Variants in TTC27 observed in about 807,000 individuals in gnomAD.
TTC27 encodes the protein tetratricopeptide repeat domain 27.
A neutral mutation model predicts 115.9 loss-of-function variants in TTC27; 79 were observed. The observed-to-expected ratio is 0.68, with a 90% CI of 0.57 to 0.82. TTC27 has a LOEUF of 0.82. Among genes scored for constraint, TTC27 ranks in the 40% least tolerant of loss-of-function variants. The probability of loss-of-function intolerance (pLI) is 0.00; values close to 1 mark genes in which losing one functional copy is unlikely to be tolerated. For synonymous variants in TTC27, 401 were observed against 356.0 expected (o/e 1.13, Z -1.42); for missense variants, 1,054 against 993.1 (o/e 1.06, Z -0.82).
At chr2:32,663,579 G>A (rs757232030) in intron 5 of TTC27, among the ~76,000 whole-genome samples, 2 of 152,116 alleles carry the variant, frequency 1.3e-5, no homozygotes, top group African/African-American at 2.4e-5. Context: ...CCTTGATTTC[G>A]CTGGGAGCTG....
chr2:32,675,801 G>C (rs1467998932), intron 8 of TTC27, among the ~76,000 whole-genome samples: 2 of 150,428 alleles, frequency 1.3e-5, no homozygotes, highest in Non-Finnish European at 1.5e-5. Flanking sequence ...TTTTTGTTTT[G>C]TTTTTTTGAG....
At chr2:32,643,234 T>C (rs2151865085) in intron 4 of TTC27, among the ~76,000 whole-genome samples, 1 of 152,306 alleles carries the variant, frequency 6.6e-6, no homozygotes, top group South Asian at 2.1e-4. Context: ...AAAAAATTTT[T>C]CCCCTAAGTA....
chr2:32,769,212 A>G (rs1448647400), intron 13 of TTC27, among the ~76,000 whole-genome samples: 1 of 152,228 alleles, frequency 6.6e-6, no homozygotes, highest in Non-Finnish European at 1.5e-5. Context: ...CTCAAAGTAC[A>G]TCAGAGTCTT....
chr2:32,746,023 CA>C (rs1228154631), intron 12 of TTC27, among the ~76,000 whole-genome samples: 4 of 150,998 alleles, frequency 2.6e-5, no homozygotes, highest in Admixed American at 6.6e-5. Context: ...TAGTCATTGC[CA>C]AAAAAAAGTA....
chr2:32,675,683 A>T (rs535783130), intron 8 of TTC27, among the ~76,000 whole-genome samples: 64 of 151,992 alleles, frequency 4.2e-4, no homozygotes, highest in African/African-American at 1.5e-3. Context: ...ATATTGGCTG[A>T]TCTCTGTCTG....
chr2:32,638,983 C>T (rs1664531481), intron 3 of TTC27, among the ~76,000 whole-genome samples: 1 of 152,116 alleles, frequency 6.6e-6, no homozygotes, highest in Non-Finnish European at 1.5e-5. Context: ...CAGGCACCCA[C>T]CACCACGCCC....
intron 5 of TTC27, among the ~76,000 whole-genome samples, chr2:32,662,071 A>G (rs1258136582): frequency 6.6e-6 from 1 of 152,170 alleles, no homozygotes; most frequent in East Asian, 1.9e-4. Flanking sequence ...GATTATGTTT[A>G]TTAATTTGCA....
At chr2:32,783,989 A>C (rs1314361932) in intron 15 of TTC27, among the ~76,000 whole-genome samples, 1 of 152,190 alleles carries the variant, frequency 6.6e-6, no homozygotes, top group Admixed American at 6.5e-5. Context: ...GGATGACATA[A>C]ATAAAGTCTA....
At position 32,634,543 on chromosome 2, in the gene TTC27, C is replaced by T. The variant is rs569526511; in HGVS notation, c.396+538C>T. ...GGCTCAAGTGGTCTGCCTGCCTCAG[C>T]CTCCCAAAGTGCTAGGATTATAGGT... is the stretch of plus-strand genomic sequence containing the variant. On this transcript the variant is annotated intron_variant, in intron 3 of 19. Transcript: ENST00000317907. Among the ~76,000 whole-genome samples the T allele has an allele frequency of 3.4e-4, 51 of 151,786 alleles. 1 individual carries two copies. The South Asian group carries it at 0.011, about 31-fold the overall frequency.
chr2:32,681,980 ATGTGTGTGTGTGTG>A (rs70938359), intron 9 of TTC27, among the ~76,000 whole-genome samples: 3,525 of 89,978 alleles, frequency 0.039, 70 homozygotes, highest in Non-Finnish European at 0.058. Context: ...ATGTATATAT[ATGTGTGTGTGTGTG>A]TGTGTGTGTG....
At chr2:32,646,564 T>TTTG (rs1664868800) in intron 4 of TTC27, among the ~76,000 whole-genome samples, 1 of 147,780 alleles carries the variant, frequency 6.8e-6, no homozygotes, top group Non-Finnish European at 1.5e-5. Flanking sequence ...TTGGTTTTTT[T>TTTG]TTTTTTTTTT....
intron 16 of TTC27, among the ~76,000 whole-genome samples, chr2:32,798,012 A>G (rs1452159467): frequency 7.9e-5 from 12 of 152,272 alleles, no homozygotes. Flanking sequence ...AAGCACATGA[A>G]AAGATGTGCA....
chr2:32,658,709 G>A (rs1407080149), intron 5 of TTC27, among the ~76,000 whole-genome samples: 5 of 152,112 alleles, frequency 3.3e-5, no homozygotes, highest in African/African-American at 1.2e-4. Context: ...ATTCTGTTTG[G>A]GGGATCAATT....
chr2:32,717,758 G>A (rs192929375), intron 10 of TTC27, among the ~76,000 whole-genome samples: 4 of 152,160 alleles, frequency 2.6e-5, no homozygotes, highest in African/African-American at 9.7e-5. Context: ...AAGTATGGCA[G>A]TCTGATTTTT....
chr2:32,672,167 A>G (rs1666036794), intron 7 of TTC27, 105 bp from the exon 8 acceptor site: 1 of 736,106 alleles, frequency 1.4e-6, no homozygotes, highest in African/African-American at 1.8e-5. Context: ...CATATGTCAA[A>G]CAGGTAAGTT....
intron 5 of TTC27, among the ~76,000 whole-genome samples, chr2:32,659,899 T>C (rs1423756441): frequency 1.3e-5 from 2 of 152,136 alleles, no homozygotes; most frequent in Admixed American, 6.6e-5. Context: ...CCACATTTTC[T>C]TTATCCAGTC....
chr2:32,798,910 C>G (rs1445611799), intron 16 of TTC27, among the ~76,000 whole-genome samples: 1 of 152,092 alleles, frequency 6.6e-6, no homozygotes, highest in Non-Finnish European at 1.5e-5. Context: ...GAATTTAAAG[C>G]AGGATCTCAA....
At chr2:32,685,874 A>T (rs188112098) in intron 9 of TTC27, among the ~76,000 whole-genome samples, 70 of 152,324 alleles carry the variant, frequency 4.6e-4, no homozygotes, top group African/African-American at 1.2e-3. Context: ...TAAGAAGAAG[A>T]TATGAAGAAA....
At chr2:32,757,041 G>A (rs1669258175) in intron 12 of TTC27, among the ~76,000 whole-genome samples, 1 of 152,180 alleles carries the variant, frequency 6.6e-6, no homozygotes, top group South Asian at 2.1e-4. Flanking sequence ...AAGTGAATGG[G>A]CTGTCTGGAA....
Sources: allele counts gnomAD v4.1 joint callset (sites outside exome capture counted in the v4.1 genomes callset), GRCh38; gene constraint gnomAD v4.1.1; transcripts MANE v1.5; gene names NCBI Gene and HGNC (gene_info 2026-07-23, HGNC 2026-07-21).